DNM3: variants seen among roughly 807,000 people sequenced by gnomAD.
DNM3 encodes dynamin-3.
DNM3 carries 47 observed loss-of-function variants against 101.6 expected under a neutral mutation model. That is an observed-to-expected ratio of 0.46 (90% CI 0.37 to 0.59). The LOEUF is 0.59. Ranked by LOEUF, DNM3 falls within the 20% of genes least tolerant of loss-of-function variation. The probability of loss-of-function intolerance (pLI) is 0.00; values close to 1 mark genes in which losing one functional copy is unlikely to be tolerated. For synonymous variants in DNM3, 385 were observed against 387.9 expected (o/e 0.99, Z 0.09); for missense variants, 849 against 1,085.7 (o/e 0.78, Z 3.06).
intron 15 of DNM3, among the ~76,000 whole-genome samples, chr1:172,306,367 C>T (rs753630631): frequency 1.3e-5 from 2 of 151,912 alleles, no homozygotes; most frequent in Non-Finnish European, 2.9e-5. Context: ...CACTGCTCAA[C>T]GAAATAAAAG....
intron 15 of DNM3, among the ~76,000 whole-genome samples, chr1:172,305,554 C>G (rs547610264): frequency 6.6e-6 from 1 of 152,272 alleles, no homozygotes; most frequent in Non-Finnish European, 1.5e-5. Flanking sequence ...CATCCTGATA[C>G]CAAAGCCTGG....
At chr1:172,020,240 C>T (rs531493374) in intron 4 of DNM3, among the ~76,000 whole-genome samples, 6 of 152,174 alleles carry the variant, frequency 3.9e-5, no homozygotes, top group African/African-American at 1.4e-4. Context: ...TAGTTCCTGC[C>T]CCACCCCTTT....
intron 15 of DNM3, among the ~76,000 whole-genome samples, chr1:172,279,566 A>T (rs1355657536): frequency 3.3e-5 from 5 of 152,096 alleles, no homozygotes; most frequent in African/African-American, 1.2e-4. Context: ...TGGGCTTCAA[A>T]TCTATATCCA....
intron 6 of DNM3, among the ~76,000 whole-genome samples, chr1:172,037,060 C>T (rs2049023734): frequency 1.3e-5 from 2 of 152,166 alleles, no homozygotes; most frequent in African/African-American, 2.4e-5. Context: ...CACTGGCCAT[C>T]AGAGAAATGC....
At chr1:172,010,914 T>TA (rs983950161) in intron 4 of DNM3, among the ~76,000 whole-genome samples, 1 of 151,948 alleles carries the variant, frequency 6.6e-6, no homozygotes, top group Non-Finnish European at 1.5e-5. Context: ...TATTGACAGA[T>TA]ATTTTTTCCC....
chr1:171,861,878 CTT>C (rs1246394096), intron 1 of DNM3, among the ~76,000 whole-genome samples: 1 of 152,056 alleles, frequency 6.6e-6, no homozygotes, highest in Non-Finnish European at 1.5e-5. Context: ...AAAAGGAACT[CTT>C]ATAACACAAC....
chr1:172,051,217 T>C (rs980474560), intron 10 of DNM3, among the ~76,000 whole-genome samples: 1 of 152,218 alleles, frequency 6.6e-6, no homozygotes. Flanking sequence ...TTTCCTTTTG[T>C]GGCTTCCAAA....
At chr1:171,850,724 T>A (rs1325314156) in intron 1 of DNM3, among the ~76,000 whole-genome samples, 4 of 152,224 alleles carry the variant, frequency 2.6e-5, no homozygotes, top group Non-Finnish European at 4.4e-5. Flanking sequence ...GGTACTTGAT[T>A]TGAATTATGT....
intron 2 of DNM3, among the ~76,000 whole-genome samples, chr1:171,928,764 C>T (rs566003477): frequency 2.9e-4 from 44 of 152,220 alleles, no homozygotes; most frequent in African/African-American, 7.9e-4. Flanking sequence ...ATTGCTCTGG[C>T]GCAGGGTGGC....
intron 15 of DNM3, among the ~76,000 whole-genome samples, chr1:172,268,920 T>C (rs1347263776): frequency 6.6e-6 from 1 of 152,196 alleles, no homozygotes; most frequent in Non-Finnish European, 1.5e-5. Flanking sequence ...GAATTCTTCA[T>C]GCTTAAAACA....
At chr1:171,867,331 T>G (rs1009894870) in intron 1 of DNM3, among the ~76,000 whole-genome samples, 2 of 152,228 alleles carry the variant, frequency 1.3e-5, no homozygotes, top group Non-Finnish European at 2.9e-5. Flanking sequence ...TTCCTGTGCC[T>G]CTGTGATTGC....
At chr1:172,074,287 T>G (rs939163398) in intron 11 of DNM3, among the ~76,000 whole-genome samples, 5 of 152,058 alleles carry the variant, frequency 3.3e-5, no homozygotes, top group African/African-American at 1.2e-4. Flanking sequence ...GGAGTGATAT[T>G]CTAGCAAAGA....
intron 17 of DNM3, among the ~76,000 whole-genome samples, chr1:172,335,672 A>G (rs1220243086): frequency 6.6e-6 from 1 of 152,168 alleles, no homozygotes; most frequent in Admixed American, 6.5e-5. Context: ...CTATCATCCT[A>G]ATCAAATTAA....
chr1:172,027,005 GA>G (rs990930790), intron 4 of DNM3, among the ~76,000 whole-genome samples: 56 of 152,176 alleles, frequency 3.7e-4, no homozygotes, highest in African/African-American at 1.3e-3. Flanking sequence ...CTTCATAATT[GA>G]AGGAGAAATA....
intron 20 of DNM3, chr1:172,393,811 T>C (rs1255034450): frequency 1.3e-5 from 2 of 152,660 alleles, no homozygotes; most frequent in African/African-American, 2.4e-5. Flanking sequence ...GGAAAGATGT[T>C]TTTTTAAGCA....
intron 1 of DNM3, 128 bp downstream of exon 1, chr1:171,841,945 A>C (rs1571199514): frequency 5.1e-6 from 2 of 392,746 alleles, no homozygotes; most frequent in African/African-American, 4.1e-5. Flanking sequence ...TGGGGGGCAG[A>C]GTGGAATGGG....
chr1:172,359,432 AAG>A (rs2067626637), intron 17 of DNM3, among the ~76,000 whole-genome samples: 1 of 151,928 alleles, frequency 6.6e-6, no homozygotes, highest in Non-Finnish European at 1.5e-5. Flanking sequence ...ATAAATCTTG[AAG>A]ATTTTTTTTG....
At chr1:172,193,549 G>C (rs997474709) in intron 14 of DNM3, among the ~76,000 whole-genome samples, 1 of 152,110 alleles carries the variant, frequency 6.6e-6, no homozygotes, top group African/African-American at 2.4e-5. Context: ...CTTGTTATTG[G>C]TCTATTCAGG....
chr1:171,883,377 ACAC>A (rs2036469405), intron 1 of DNM3, among the ~76,000 whole-genome samples: 2 of 102,460 alleles, frequency 2.0e-5, no homozygotes, highest in Non-Finnish European at 4.1e-5. Context: ...ACACACACAC[ACAC>A]ACACACACAC....
Sources: gnomAD v4.1 joint callset for allele counts (sites outside exome capture counted in the v4.1 genomes callset) on GRCh38, gnomAD v4.1.1 for gene constraint, MANE v1.5 for transcripts, NCBI Gene and HGNC (gene_info 2026-07-23, HGNC 2026-07-21) for gene names.